TTC28: variants seen among roughly 807,000 people sequenced by gnomAD.
TTC28 encodes the protein tetratricopeptide repeat domain 28, also known as tetratricopeptide repeat protein 28.
Under a neutral mutation model 198.0 loss-of-function variants are expected in TTC28, and 61 were observed. That is an observed-to-expected ratio of 0.31 (90% CI 0.25 to 0.38). The LOEUF is 0.38. TTC28 is among the 10% of genes least tolerant of loss of function. TTC28 has a pLI of 1.00. For missense variants in TTC28, 2,678 were observed against 3,164.0 expected (o/e 0.85, Z 3.69); for synonymous variants, 1,171 against 1,297.8 (o/e 0.90, Z 2.10).
At chr22:28,110,826 T>C (rs1279911278) in intron 6 of TTC28, among the ~76,000 whole-genome samples, 1 of 151,910 alleles carries the variant, frequency 6.6e-6, no homozygotes, top group South Asian at 2.1e-4. Flanking sequence ...TCCCAGCTAC[T>C]TGGGAGGCTG....
chr22:28,208,796 G>A (rs999676262), intron 5 of TTC28, among the ~76,000 whole-genome samples: 2 of 152,006 alleles, frequency 1.3e-5, no homozygotes, highest in African/African-American at 4.8e-5. Context: ...AACTGACTCC[G>A]AGAAATGATA....
chr22:28,339,187 C>A (rs533715516), intron 2 of TTC28, among the ~76,000 whole-genome samples: 1 of 152,080 alleles, frequency 6.6e-6, no homozygotes, highest in Non-Finnish European at 1.5e-5. Context: ...TGCAGAACAG[C>A]GGATGCTGCA....
At chr22:28,043,632 T>C (rs1939751804) in intron 12 of TTC28, among the ~76,000 whole-genome samples, 1 of 150,848 alleles carries the variant, frequency 6.6e-6, no homozygotes, top group Non-Finnish European at 1.5e-5. Flanking sequence ...AGCTTTCCTT[T>C]AGTGTTCCAA....
intron 1 of TTC28, among the ~76,000 whole-genome samples, chr22:28,662,747 T>C (rs575058481): frequency 1.3e-5 from 2 of 152,348 alleles, no homozygotes; most frequent in East Asian, 3.9e-4. Flanking sequence ...TGAACAATTA[T>C]TATTAAATGG....
At chr22:28,137,713 G>A (rs1457245030) in intron 6 of TTC28, among the ~76,000 whole-genome samples, 1 of 151,984 alleles carries the variant, frequency 6.6e-6, no homozygotes, top group Non-Finnish European at 1.5e-5. Context: ...CATTCTACTG[G>A]TTAGAAAATA....
chr22:28,278,884 G>C (rs890152180), intron 5 of TTC28, among the ~76,000 whole-genome samples: 3 of 152,108 alleles, frequency 2.0e-5, no homozygotes, highest in Admixed American at 6.5e-5. Flanking sequence ...ATCGTTCTAG[G>C]ATATGCGGGG....
chr22:28,001,187 G>T, intron 15 of TTC28, 187 bp downstream of exon 15: 1 of 668,292 alleles, frequency 1.5e-6, no homozygotes, highest in Non-Finnish European at 2.4e-6. Context: ...CAGGGGTCAT[G>T]AGGGCCGTGC....
chr22:28,286,971 G>A (rs1373737925), intron 5 of TTC28, among the ~76,000 whole-genome samples: 2 of 152,108 alleles, frequency 1.3e-5, no homozygotes, highest in African/African-American at 4.8e-5. Context: ...TGCTAACCCA[G>A]TCAAAATTCC....
At chr22:28,001,991 A>C (rs1197638764) in intron 14 of TTC28, 1 of 174,092 alleles carries the variant, frequency 5.7e-6, no homozygotes, top group African/African-American at 2.3e-5. Context: ...CAGCCCCTGT[A>C]GAAGGGGATG....
rs143524917 is a variant in TTC28 at position 28,073,810 on chromosome 22, C to T, written c.3932+20270G>A. On this transcript the variant is annotated intron_variant, in intron 12 of 22. Coordinates refer to ENST00000397906, the MANE Select transcript of TTC28 (RefSeq NM_001145418.2). ...CTTGCAATCTTAACTTTTACCATCTCGACTTGTGGACACAGAAGGAGCTGA... is the reference window on the plus strand; with the variant it reads ...CTTGCAATCTTAACTTTTACCATCTTGACTTGTGGACACAGAAGGAGCTGA... Among the ~76,000 whole-genome samples the T allele has an allele frequency of 4.5e-3, 684 of 152,236 alleles. 2 individuals are homozygous for T. Among genetic ancestry groups the T allele is most frequent in the Admixed American group, 7.9e-3 (120 of 15,284 alleles).
chr22:28,601,777 G>GACACACAC (rs34208241), intron 2 of TTC28, among the ~76,000 whole-genome samples: 29,135 of 141,282 alleles, frequency 0.21, 3,446 homozygotes, highest in Non-Finnish European at 0.28. Context: ...GTAAACCCTA[G>GACACACAC]ACACACACAC....
intron 5 of TTC28, among the ~76,000 whole-genome samples, chr22:28,169,853 C>A (rs1412034362): frequency 6.6e-6 from 1 of 151,436 alleles, no homozygotes; most frequent in Non-Finnish European, 1.5e-5. Context: ...AAATAAAGAA[C>A]CTGATTAAAT....
intron 5 of TTC28, among the ~76,000 whole-genome samples, chr22:28,177,446 G>A (rs929511354): frequency 2.0e-5 from 3 of 152,178 alleles, no homozygotes; most frequent in Admixed American, 2.0e-4. Context: ...AGACAGTTGG[G>A]CAATTTCTTA....
Position 28,679,757 on chromosome 22 carries a change from T to TAAC in TTC28, c.-37_-35dup. ...GGCCCGGGCCGCGTCCGCCTCGAGC[T>TAAC]AACGGTCCCGCCAGCTAGGCGCGCG... On this transcript the variant is annotated 5_prime_UTR_variant, in exon 1 of 23. Transcript: ENST00000397906. 9.7e-6 allele frequency: 11 copies of TAAC among 1,132,096 alleles called. No homozygotes were observed. The highest frequency in any genetic ancestry group is 1.1e-5 in the Non-Finnish European group (10 of 907,266). The allele number at this position is 1,132,096 out of a possible 1,614,324, so 70.1% of individuals were successfully genotyped here.
chr22:28,574,976 C>A (rs2050123149), intron 2 of TTC28, among the ~76,000 whole-genome samples: 1 of 152,100 alleles, frequency 6.6e-6, no homozygotes, highest in Non-Finnish European at 1.5e-5. Flanking sequence ...ACTCTGTGGG[C>A]TGTCTCTTCA....
chr22:28,338,353 G>A (rs931261981), intron 2 of TTC28, among the ~76,000 whole-genome samples: 13 of 152,168 alleles, frequency 8.5e-5, no homozygotes, highest in South Asian at 8.3e-4. Flanking sequence ...TCTTTGTGGC[G>A]TTCTCTGTAT....
chr22:28,268,815 C>CT (rs987336628), intron 5 of TTC28, among the ~76,000 whole-genome samples: 2 of 152,132 alleles, frequency 1.3e-5, no homozygotes, highest in African/African-American at 4.8e-5. Flanking sequence ...TCATCATGGT[C>CT]TTTTTGAGAA....
intron 2 of TTC28, among the ~76,000 whole-genome samples, chr22:28,602,377 C>T (rs1173876092): frequency 6.6e-6 from 1 of 152,140 alleles, no homozygotes. Flanking sequence ...AGCAATCATT[C>T]AAATTTCAAG....
intron 12 of TTC28, among the ~76,000 whole-genome samples, chr22:28,093,020 ACTGTTTTGATC>A (rs1366679705): frequency 6.6e-6 from 1 of 152,206 alleles, no homozygotes. Context: ...TGAGATGTAG[ACTGTTTTGATC>A]CTGGCTCTGA....
Sources: allele counts gnomAD v4.1 joint callset (sites outside exome capture counted in the v4.1 genomes callset), GRCh38; gene constraint gnomAD v4.1.1; transcripts MANE v1.5; gene names NCBI Gene and HGNC (gene_info 2026-07-23, HGNC 2026-07-21).